Variants in ECE1 observed in about 807,000 individuals in gnomAD.
ECE1 encodes endothelin converting enzyme 1.
ECE1 carries 35 observed loss-of-function variants against 98.6 expected under a neutral mutation model. That is an observed-to-expected ratio of 0.35 (90% CI 0.27 to 0.47). ECE1 has a LOEUF of 0.47. Among genes scored for constraint, ECE1 ranks in the 20% least tolerant of loss-of-function variants. The pLI, the probability that ECE1 is intolerant of heterozygous loss-of-function variation, is 1.00. For synonymous variants in ECE1, 394 were observed against 407.1 expected, an observed-to-expected ratio of 0.97 and a Z score of 0.39; for missense variants, 814 against 1,025.3, an observed-to-expected ratio of 0.79 and a Z score of 2.81.
chr1:21,283,870 C>T (rs528447595), intron 2 of ECE1, among the ~76,000 whole-genome samples: 1 of 152,260 alleles, frequency 6.6e-6, no homozygotes, highest in Admixed American at 6.5e-5. Flanking sequence ...AGTTTTTAAC[C>T]TTTGTCTTGT....
At chr1:21,312,328 CT>C (rs1638746177) in intron 1 of ECE1, among the ~76,000 whole-genome samples, 1 of 151,212 alleles carries the variant, frequency 6.6e-6, no homozygotes, top group African/African-American at 2.4e-5. Flanking sequence ...GTCCCAGCTA[CT>C]CAGGAGGCTG....
chr1:21,286,869 T>C (rs192078888), intron 2 of ECE1, among the ~76,000 whole-genome samples: 32 of 151,548 alleles, frequency 2.1e-4, no homozygotes, highest in Admixed American at 9.2e-4. Flanking sequence ...TAAGCCCAGA[T>C]TGCGCCACTG....
At position 21,247,409 on chromosome 1, in the gene ECE1, C is replaced by T. The variant is rs202187772; in HGVS notation, c.1021-46G>A. ...GTGACCCTGTGGGGCTGCTCCTCCTCACAGCCCAGGGCTCTAGGACGGGCT... is the reference window on the plus strand; with the variant it reads ...GTGACCCTGTGGGGCTGCTCCTCCTTACAGCCCAGGGCTCTAGGACGGGCT... On this transcript the variant is annotated intron_variant, in intron 8 of 18. Transcript: ENST00000374893. 2.4e-5 allele frequency: 38 copies of T among 1,613,878 alleles called. No homozygotes were observed. The East Asian group carries it at 7.6e-4, about 32-fold the overall frequency.
chr1:21,343,113 T>C (rs1485715842), intron 1 of ECE1, among the ~76,000 whole-genome samples: 1 of 152,138 alleles, frequency 6.6e-6, no homozygotes, highest in African/African-American at 2.4e-5. Flanking sequence ...ACCTGCTCCA[T>C]GAAGCTTTCT....
intron 10 of ECE1, among the ~76,000 whole-genome samples, chr1:21,241,747 A>G (rs1459448058): frequency 6.6e-6 from 1 of 152,124 alleles, no homozygotes; most frequent in Non-Finnish European, 1.5e-5. Flanking sequence ...TGAACTCAGA[A>G]AGTCCGGCTC....
chr1:21,261,978 A>G (rs921738242), intron 4 of ECE1, among the ~76,000 whole-genome samples: 1 of 152,174 alleles, frequency 6.6e-6, no homozygotes, highest in African/African-American at 2.4e-5. Context: ...AGCAAAGGAC[A>G]TGAGTCACTT....
rs1215334917 is a variant in ECE1, at chr1:21,322,215, G to C, written c.3+23161C>G. ...AAAGAAGTGGCAAGGCGGCTTCTCA[G>C]TGAGATGGAGTGGGGATGGGGGTGT... On this transcript the variant is annotated intron_variant, in intron 1 of 18. Transcript: ENST00000415912. The surrounding 1 kb of genome is among the most constrained non-coding windows in gnomAD (Gnocchi z 4.1). 6.6e-6 allele frequency among the ~76,000 whole-genome samples: 1 copy of C among 152,198 alleles called. No homozygotes were observed. The highest frequency in any genetic ancestry group is 1.5e-5 in the Non-Finnish European group (1 of 68,034).
At chr1:21,278,725 G>A (rs530622947) in intron 3 of ECE1, among the ~76,000 whole-genome samples, 59 of 152,262 alleles carry the variant, frequency 3.9e-4, no homozygotes, top group African/African-American at 1.4e-3. Context: ...GGGCATTATT[G>A]TTATTTTATT....
intron 2 of ECE1, among the ~76,000 whole-genome samples, chr1:21,286,615 T>C (rs1185405453): frequency 6.6e-6 from 1 of 152,188 alleles, no homozygotes; most frequent in East Asian, 1.9e-4. Context: ...CTGCAAGTAA[T>C]CTGTGCCTAA....
At chr1:21,273,681 C>T (rs964694618) in intron 3 of ECE1, among the ~76,000 whole-genome samples, 2 of 152,134 alleles carry the variant, frequency 1.3e-5, no homozygotes, top group African/African-American at 2.4e-5. Context: ...CCAAAGGCTA[C>T]GCCAGGTGCC....
intron 5 of ECE1, among the ~76,000 whole-genome samples, chr1:21,259,628 C>T (rs1196170846): frequency 6.6e-6 from 1 of 152,124 alleles, no homozygotes; most frequent in African/African-American, 2.4e-5. Flanking sequence ...CGCATGCAGC[C>T]ACCAACCCTG....
At position 21,281,954 on chromosome 1, in the gene ECE1, C is replaced by T. The variant is rs535594803; in HGVS notation, c.139-2622G>A. On this transcript the variant is annotated intron_variant, in intron 2 of 18. Coordinates refer to ENST00000374893, the MANE Select transcript of ECE1 (RefSeq NM_001397.3). ...TCGTGATCCACCCGCCTCAGCCTCC[C>T]AAAGTGCTGGACTGCACCTGGATGA... Among the ~76,000 whole-genome samples the T allele has an allele frequency of 6.6e-5, 10 of 152,264 alleles. No homozygotes were observed. In the East Asian group the frequency reaches 1.9e-3, roughly 29 times the overall value.
At position 21,235,624 on chromosome 1, in the gene ECE1, G is replaced by A. The variant is rs2098186984; in HGVS notation, c.1566+226C>T. On this transcript the variant is annotated intron_variant, in intron 13 of 18. Coordinates refer to ENST00000374893, the MANE Select transcript of ECE1 (RefSeq NM_001397.3). The surrounding 1 kb of genome is among the most constrained non-coding windows in gnomAD (Gnocchi z 4.2). The stretch of plus-strand genomic sequence containing the variant: ...GTACTGACTGGTGGGCACTGCTGAT[G>A]GATGGTGGCTATGGGGAGGCAGGGC... Among the ~76,000 whole-genome samples, 1 of 152,214 alleles carries A rather than the reference G, an allele frequency of 6.6e-6. No individual in the cohort carries two copies. Among genetic ancestry groups the A allele is most frequent in the South Asian group, 2.1e-4 (1 of 4,836 alleles).
chr1:21,224,887 C>T (rs973619493), intron 17 of ECE1, among the ~76,000 whole-genome samples: 5 of 152,240 alleles, frequency 3.3e-5, no homozygotes, highest in Non-Finnish European at 5.9e-5. Context: ...ACCAGTGCTC[C>T]TTGCCCTGGC....
At chr1:21,245,727 T>C (rs2098202501) in intron 9 of ECE1, among the ~76,000 whole-genome samples, 1 of 152,190 alleles carries the variant, frequency 6.6e-6, no homozygotes. Context: ...ACTGTATTTG[T>C]ACACGACGGA....
chr1:21,228,072 G>A, intron 14 of ECE1, 31 bp from the exon 15 acceptor site: 1 of 1,532,688 alleles, frequency 6.5e-7, no homozygotes, highest in Non-Finnish European at 8.8e-7. Context: ...GGAGGTCTCA[G>A]CACAGGGCGG....
rs1379464830 is a variant in ECE1, at chr1:21,219,834, G to A, written c.*121C>T. 1.5e-5 allele frequency: 20 copies of A among 1,333,484 alleles called. No homozygotes were observed. The highest frequency in any genetic ancestry group is 5.1e-4 in the Middle Eastern group (2 of 3,928). 82.6% of individuals were successfully genotyped at this position (1,333,484 alleles called of 1,614,324 possible). A position where few individuals can be genotyped will look rare whatever the true frequency, so the allele number is the denominator to read the frequency against. On this transcript the variant is annotated 3_prime_UTR_variant, in exon 19 of 19. Coordinates refer to ENST00000374893, the MANE Select transcript of ECE1 (RefSeq NM_001397.3). The surrounding 1 kb of genome is among the most constrained non-coding windows in gnomAD (Gnocchi z 4.5). Reference sequence around the variant, plus strand: ...TGGGCTCGGTTCCGGCTGAAAACCCGCCAGTGTGAGGAAGCAGGGCCCCGG... The same window carrying A: ...TGGGCTCGGTTCCGGCTGAAAACCCACCAGTGTGAGGAAGCAGGGCCCCGG...
chr1:21,310,856 A>T (rs926798505), intron 1 of ECE1, among the ~76,000 whole-genome samples: 1 of 152,174 alleles, frequency 6.6e-6, no homozygotes, highest in Non-Finnish European at 1.5e-5. Flanking sequence ...GGGGCCAACC[A>T]GGATGAAAAT....
chr1:21,343,568 C>T (rs1026213278), intron 1 of ECE1, among the ~76,000 whole-genome samples: 7 of 152,260 alleles, frequency 4.6e-5, no homozygotes, highest in Admixed American at 6.5e-5. Flanking sequence ...AAGCAAAGCA[C>T]TCTCACTTGG....
Sources: allele counts gnomAD v4.1 joint callset (sites outside exome capture counted in the v4.1 genomes callset), GRCh38; gene constraint gnomAD v4.1.1; non-coding constraint Gnocchi (gnomAD v3.1); transcripts MANE v1.5; gene names NCBI Gene and HGNC (gene_info 2026-07-23, HGNC 2026-07-21).